The following ANGPT4 variants were observed in gnomAD, a reference collection of about 807,000 sequenced individuals.
The protein encoded by ANGPT4 is angiopoietin-4.
A neutral mutation model predicts 53.0 loss-of-function variants in ANGPT4; 50 were observed. The ratio of observed to expected loss-of-function variants is 0.94; its 90% confidence interval spans 0.75 to 1.20. ANGPT4 has a LOEUF of 1.20. ANGPT4 is among the 50% of genes most tolerant of loss of function. The pLI, the probability that ANGPT4 is intolerant of heterozygous loss-of-function variation, is 0.00. For missense variants in ANGPT4, 648 were observed against 637.1 expected (o/e 1.02, Z -0.18); for synonymous variants, 251 against 259.7 (o/e 0.97, Z 0.32).
rs532273507 is a variant in ANGPT4, at chr20:911,761, G to A, written c.309+4145C>T. ...GCTCAGGAGTTCAAGGCTGCAGTGA[G>A]CTGTGATTGCACCATTGCACCCCAG... On this transcript the variant is annotated intron_variant, in intron 1 of 8. Transcript: ENST00000381922. This position sits in a 1 kb window ranked among gnomAD's most constrained non-coding sequence, Gnocchi z 4.9. Among the ~76,000 whole-genome samples, 2 of 152,248 alleles carry A rather than the reference G, an allele frequency of 1.3e-5. No individual in the cohort carries two copies. The highest frequency in any genetic ancestry group is 1.9e-4 in the East Asian group (1 of 5,154).
rs193032998 is a variant in ANGPT4 at position 885,897 on chromosome 20, G to T, written c.588-572C>A. ...AAGAAAGTATTAATGTAAATAAAGA[G>T]AAATGGGGTGAACATATAGGAGAAG... On this transcript the variant is annotated intron_variant, in intron 3 of 8. Coordinates refer to ENST00000381922, the MANE Select transcript of ANGPT4 (RefSeq NM_015985.4). Among the ~76,000 whole-genome samples the T allele has an allele frequency of 2.6e-5, 4 of 152,300 alleles. No individual in the cohort carries two copies. In the East Asian group the frequency reaches 5.8e-4, roughly 22 times the overall value.
intron 1 of ANGPT4, among the ~76,000 whole-genome samples, chr20:898,788 C>T (rs1187930596): frequency 6.6e-6 from 1 of 152,226 alleles, no homozygotes; most frequent in Non-Finnish European, 1.5e-5. Context: ...ACAGTTGTTC[C>T]TCCAGGACCT....
chr20:888,307 G>A lies in ANGPT4; in HGVS notation c.587+11C>T. 3.1e-6 allele frequency: 5 copies of A among 1,611,282 alleles called. No homozygotes were observed. Among genetic ancestry groups the A allele is most frequent in the Non-Finnish European group, 4.2e-6 (5 of 1,178,982 alleles). ...CCCCTGTCCTAGTCTGGTGCCAGGT[G>A]CCACACCCACCTGTTTTGGCCCTGA... On this transcript the variant is annotated intron_variant, in intron 3 of 8. Coordinates refer to ENST00000381922, the MANE Select transcript of ANGPT4 (RefSeq NM_015985.4).
At position 890,358 on chromosome 20, in the gene ANGPT4, G is replaced by C; in HGVS notation, c.320C>G (p.Ala107Gly). Reference sequence around the variant, plus strand: ...CTTCGACCTCAAGATCGTCTTGATGGCCCTCTCTAGCTGTGGGAGACCATG... The same window carrying C: ...CTTCGACCTCAAGATCGTCTTGATGCCCCTCTCTAGCTGTGGGAGACCATG... ...NTQWLKKLER[A>G]IKTILRSKLE... The change falls in exon 2 of 9, where the codon GCC (alanine) becomes GGC (glycine). Residue 107 changes from alanine to glycine, a missense_variant. Transcript: ENST00000381922. The C allele has an allele frequency of 6.2e-7, 1 of 1,609,644 alleles. No homozygotes were observed. The highest frequency in any genetic ancestry group is 8.5e-7 in the Non-Finnish European group (1 of 1,179,342).
intron 1 of ANGPT4, among the ~76,000 whole-genome samples, chr20:893,788 A>G (rs933151772): frequency 6.6e-6 from 1 of 152,136 alleles, no homozygotes; most frequent in Admixed American, 6.5e-5. Context: ...CCCCAAACCC[A>G]GACCTCAATC....
At chr20:903,790 G>T (rs539954311) in intron 1 of ANGPT4, among the ~76,000 whole-genome samples, 1 of 152,174 alleles carries the variant, frequency 6.6e-6, no homozygotes, top group Non-Finnish European at 1.5e-5. Context: ...ATTTGAGCCC[G>T]GCCTGACGGT....
intron 1 of ANGPT4, among the ~76,000 whole-genome samples, chr20:909,235 G>A (rs1344734641): frequency 6.6e-6 from 1 of 152,140 alleles, no homozygotes; most frequent in Non-Finnish European, 1.5e-5. Flanking sequence ...GCCTGGCCCA[G>A]AGAAAGTCCC....
intron 1 of ANGPT4, among the ~76,000 whole-genome samples, chr20:898,960 T>A (rs183014853): frequency 6.6e-6 from 1 of 152,324 alleles, no homozygotes; most frequent in East Asian, 1.9e-4. Context: ...CCCCTGGAAA[T>A]CTGGCCCAAG....
At chr20:903,037 G>A (rs913219564) in intron 1 of ANGPT4, among the ~76,000 whole-genome samples, 19 of 152,198 alleles carry the variant, frequency 1.2e-4, no homozygotes, top group African/African-American at 4.3e-4. Flanking sequence ...GTCAGGTCTT[G>A]TGGGTGTAAG....
intron 1 of ANGPT4, among the ~76,000 whole-genome samples, chr20:903,776 G>A (rs1024798953): frequency 6.6e-6 from 1 of 152,224 alleles, no homozygotes; most frequent in Non-Finnish European, 1.5e-5. Context: ...TGCAGGGTGT[G>A]GAGATTTGAG....
At chr20:891,802 C>T (rs1182093315) in intron 1 of ANGPT4, among the ~76,000 whole-genome samples, 1 of 152,214 alleles carries the variant, frequency 6.6e-6, no homozygotes, top group Non-Finnish European at 1.5e-5. Context: ...TTATCACATC[C>T]TGGAGCGGGT....
At chr20:907,508 C>T (rs891425881) in intron 1 of ANGPT4, among the ~76,000 whole-genome samples, 5 of 152,176 alleles carry the variant, frequency 3.3e-5, no homozygotes, top group South Asian at 2.1e-4. Flanking sequence ...TTGAAAGTCA[C>T]AGAATGGAGA....
chr20:906,579 C>A (rs1600063519), intron 1 of ANGPT4, among the ~76,000 whole-genome samples: 2 of 152,180 alleles, frequency 1.3e-5, no homozygotes, highest in East Asian at 3.8e-4. Flanking sequence ...GAGGTTTAAC[C>A]CTCTTGCTTC....
intron 4 of ANGPT4, among the ~76,000 whole-genome samples, chr20:882,321 C>T (rs1981441100): frequency 6.6e-6 from 1 of 152,192 alleles, no homozygotes; most frequent in Non-Finnish European, 1.5e-5. Context: ...AACTATGATT[C>T]TACCAGAATC....
At chr20:895,417 G>A (rs1250748770) in intron 1 of ANGPT4, among the ~76,000 whole-genome samples, 1 of 152,148 alleles carries the variant, frequency 6.6e-6, no homozygotes, top group Non-Finnish European at 1.5e-5. Flanking sequence ...TTTCATTGTG[G>A]GCCCTTGGAG....
chr20:908,316 A>G lies in ANGPT4; in HGVS notation c.309+7590T>C, dbSNP rs867669844. Among the ~76,000 whole-genome samples, 14 of 152,162 alleles carry G rather than the reference A, an allele frequency of 9.2e-5. No individual in the cohort carries two copies. The highest frequency in any genetic ancestry group is 1.3e-4 in the Admixed American group (2 of 15,278). ...ATGCTCTCCTCGCTCTCTGCACTGT[A>G]GACACACTGAATGCCTTTTGCTTTT... is the stretch of plus-strand genomic sequence containing the variant. On this transcript the variant is annotated intron_variant, in intron 1 of 8. Transcript: ENST00000381922. This position sits in a 1 kb window ranked among gnomAD's most constrained non-coding sequence, Gnocchi z 4.9.
intron 4 of ANGPT4, among the ~76,000 whole-genome samples, chr20:884,641 G>C (rs1264086990): frequency 1.3e-5 from 2 of 152,114 alleles, no homozygotes; most frequent in African/African-American, 4.8e-5. Flanking sequence ...GGGGCATTAA[G>C]ATGAGAGAGG....
chr20:879,860 G>A lies in ANGPT4; in HGVS notation c.952-12C>T. The A allele has an allele frequency of 6.2e-7, 1 of 1,606,358 alleles. No homozygotes were observed. The highest frequency in any genetic ancestry group is 8.5e-7 in the Non-Finnish European group (1 of 1,175,352). ...AGGTCACAGAACACCTGGAGGGGGT[G>A]GGCAAGGCACAGCTGGGAGCCCTTG... On this transcript the variant is annotated splice_polypyrimidine_tract_variant and intron_variant, in intron 5 of 8. Coordinates refer to ENST00000381922, the MANE Select transcript of ANGPT4 (RefSeq NM_015985.4).
In ANGPT4 at chr20:905,258, C is replaced by T. The variant is rs572208701; in HGVS notation, c.309+10648G>A. Among the ~76,000 whole-genome samples the T allele has an allele frequency of 1.8e-4, 28 of 152,302 alleles. No homozygotes were observed. The South Asian group carries it at 5.0e-3, about 27-fold the overall frequency. ...TTAGTCATTTGTCATTTGTCCAATT[C>T]CCCCACGAGAAGAGCCCCAGGAGTG... On this transcript the variant is annotated intron_variant, in intron 1 of 8. Coordinates refer to ENST00000381922, the MANE Select transcript of ANGPT4 (RefSeq NM_015985.4).
Sources: gnomAD v4.1 joint callset for allele counts (sites outside exome capture counted in the v4.1 genomes callset) on GRCh38, gnomAD v4.1.1 for gene constraint, Gnocchi (gnomAD v3.1) non-coding constraint, MANE v1.5 for transcripts, NCBI Gene and HGNC (gene_info 2026-07-23, HGNC 2026-07-21) for gene names.